Variants in JMJD1C observed in about 807,000 individuals in gnomAD.
The protein encoded by JMJD1C is jumonji domain containing 1C.
A neutral mutation model predicts 245.3 loss-of-function variants in JMJD1C; 31 were observed. The ratio of observed to expected loss-of-function variants is 0.13; its 90% CI spans 0.09 to 0.17. The LOEUF is 0.17. JMJD1C is among the 10% of genes least tolerant of loss of function. The pLI is 1.00. For missense variants in JMJD1C, 2,691 were observed against 3,000.2 expected, an observed-to-expected ratio of 0.90 and a Z score of 2.41; for synonymous variants, 1,057 against 1,017.4, an observed-to-expected ratio of 1.04 and a Z score of -0.74.
intron 8 of JMJD1C, among the ~76,000 whole-genome samples, chr10:63,209,593 C>G (rs1404163853): frequency 6.6e-6 from 1 of 152,068 alleles, no homozygotes; most frequent in African/African-American, 2.4e-5. Context: ...ACAGTAAAAA[C>G]AGAATATTAT....
chr10:63,295,954 CGTATATGTGTGTGTGTGTGT>C (rs1467971311), intron 2 of JMJD1C, among the ~76,000 whole-genome samples: 18 of 28,414 alleles, frequency 6.3e-4, no homozygotes, highest in African/African-American at 1.7e-3. Flanking sequence ...TATATATACA[CGTATATGTGTGTGTGTGTGT>C]GTGTGTGTGT....
intron 2 of JMJD1C, among the ~76,000 whole-genome samples, chr10:63,280,137 C>T (rs1020519697): frequency 2.6e-5 from 4 of 151,542 alleles, no homozygotes; most frequent in Non-Finnish European, 5.9e-5. Flanking sequence ...GGTGACAGGG[C>T]GAGACTTCAT....
intron 1 of JMJD1C, among the ~76,000 whole-genome samples, chr10:63,419,242 C>T (rs1949976376): frequency 1.3e-5 from 2 of 151,732 alleles, no homozygotes; most frequent in Non-Finnish European, 1.5e-5. Flanking sequence ...CAAAAATTAG[C>T]TGGGCATGGT....
intron 3 of JMJD1C, among the ~76,000 whole-genome samples, chr10:63,238,436 G>T (rs911729465): frequency 6.6e-6 from 1 of 151,950 alleles, no homozygotes; most frequent in African/African-American, 2.4e-5. Flanking sequence ...TTTAAAAAAG[G>T]AGTTTATATA....
intron 8 of JMJD1C, among the ~76,000 whole-genome samples, chr10:63,212,520 A>G (rs1380836274): frequency 6.6e-6 from 1 of 152,178 alleles, no homozygotes; most frequent in Non-Finnish European, 1.5e-5. Flanking sequence ...TAGAAACTAC[A>G]TGGCTCATGA....
chr10:63,240,666 T>C (rs1851370366), intron 3 of JMJD1C, among the ~76,000 whole-genome samples: 1 of 152,164 alleles, frequency 6.6e-6, no homozygotes, highest in Admixed American at 6.5e-5. Flanking sequence ...GTGATAACTT[T>C]TAGTTTTTTA....
chr10:63,281,692 G>C (rs74597206), intron 2 of JMJD1C, among the ~76,000 whole-genome samples: 3,260 of 151,224 alleles, frequency 0.022, 115 homozygotes, highest in African/African-American at 0.073. Context: ...GGATGGTCTC[G>C]ATCTCCTGAC....
chr10:63,441,343 T>C (rs2132930912), intron 1 of JMJD1C, among the ~76,000 whole-genome samples: 1 of 152,276 alleles, frequency 6.6e-6, no homozygotes, highest in South Asian at 2.1e-4. Flanking sequence ...TAGTTATCAG[T>C]TATAATATGC....
At chr10:63,467,380 G>A (rs920034354), upstream of JMJD1C, among the ~76,000 whole-genome samples, 5 of 152,140 alleles carry the variant, frequency 3.3e-5, no homozygotes, top group African/African-American at 1.2e-4. Context: ...GCATGGTGGA[G>A]CATGCCTGTA....
At chr10:63,423,650 T>A (rs540161273) in intron 1 of JMJD1C, among the ~76,000 whole-genome samples, 5 of 152,212 alleles carry the variant, frequency 3.3e-5, no homozygotes, top group African/African-American at 1.2e-4. Context: ...TTCTTTTGGA[T>A]AAATATGTAG....
chr10:63,463,247 C>A (rs1418282647), intron 1 of JMJD1C, among the ~76,000 whole-genome samples: 1 of 152,110 alleles, frequency 6.6e-6, no homozygotes. Flanking sequence ...TCACTGCAGT[C>A]TCAACCTCAC....
chr10:63,483,192 T>C (rs755919098), intron 1 of JMJD1C, among the ~76,000 whole-genome samples: 41 of 152,226 alleles, frequency 2.7e-4, no homozygotes, highest in Non-Finnish European at 2.6e-4. Context: ...CTAATTTTAG[T>C]TCCTCCATGA....
rs1043163697 is a variant in JMJD1C at position 63,167,915 on chromosome 10, G to A, written c.*130C>T. On this transcript the variant is annotated 3_prime_UTR_variant, in exon 26 of 26. Transcript: ENST00000399262. ...TATACTGCTGTGGTGTCAGTAACAAGTAATTACTACAAAGAGAATTTCTTG... is the reference window on the plus strand; with the variant it reads ...TATACTGCTGTGGTGTCAGTAACAAATAATTACTACAAAGAGAATTTCTTG... 1 of 634,654 alleles carries A rather than the reference G, an allele frequency of 1.6e-6. No homozygotes were observed. Among genetic ancestry groups the A allele is most frequent in the Non-Finnish European group, 2.8e-6 (1 of 353,546 alleles). The allele number at this position is 634,654 out of a possible 1,614,324, so 39.3% of individuals were successfully genotyped here.
rs143350551 is a variant in JMJD1C, at chr10:63,499,908, A to T, written n.113+21830T>A. ...AGCTATGTACTTTAAAATGCTTTACATGATATTTATAAATCATTTTTACCT... is the reference window on the plus strand; with the variant it reads ...AGCTATGTACTTTAAAATGCTTTACTTGATATTTATAAATCATTTTTACCT... On this transcript the variant is annotated intron_variant and non_coding_transcript_variant, in intron 1 of 3. Coordinates refer to the JMJD1C transcript ENST00000633035. Among the ~76,000 whole-genome samples, 329 of 152,350 alleles carry T rather than the reference A, an allele frequency of 2.2e-3. 2 individuals are homozygous for T. Among genetic ancestry groups the T allele is most frequent in the African/African-American group, 7.5e-3 (313 of 41,576 alleles).
chr10:63,363,190 T>A (rs1358874152), intron 2 of JMJD1C, among the ~76,000 whole-genome samples: 2 of 152,008 alleles, frequency 1.3e-5, no homozygotes, highest in Non-Finnish European at 2.9e-5. Flanking sequence ...GTGAAGAGGT[T>A]AGCTTGCCAA....
At chr10:63,419,009 G>A (rs1163585973) in intron 1 of JMJD1C, among the ~76,000 whole-genome samples, 3 of 148,442 alleles carry the variant, frequency 2.0e-5, no homozygotes, top group African/African-American at 5.0e-5. Flanking sequence ...CCCAGGAGAC[G>A]GAGGTGGCAG....
chr10:63,244,550 C>A (rs1214997780), intron 3 of JMJD1C, among the ~76,000 whole-genome samples: 1 of 151,866 alleles, frequency 6.6e-6, no homozygotes, highest in Non-Finnish European at 1.5e-5. Flanking sequence ...CATGACATAC[C>A]CAAATAAAGC....
At chr10:63,270,420 C>T (rs1385420188) in intron 2 of JMJD1C, among the ~76,000 whole-genome samples, 1 of 151,878 alleles carries the variant, frequency 6.6e-6, no homozygotes, top group Non-Finnish European at 1.5e-5. Context: ...CCACCCGCCT[C>T]GGCCTCCCAA....
chr10:63,413,185 G>A (rs541753406), intron 1 of JMJD1C, among the ~76,000 whole-genome samples: 137 of 152,184 alleles, frequency 9.0e-4, no homozygotes, highest in African/African-American at 2.7e-3. Context: ...CTACAAAAGC[G>A]TATGTATATG....
Sources: gnomAD v4.1 joint callset for allele counts (sites outside exome capture counted in the v4.1 genomes callset) on GRCh38, gnomAD v4.1.1 for gene constraint, MANE v1.5 for transcripts, NCBI Gene and HGNC (gene_info 2026-07-23, HGNC 2026-07-21) for gene names.